The following GRM3 variants were observed in gnomAD, a reference collection of about 807,000 sequenced individuals.
GRM3 encodes the protein glutamate metabotropic receptor 3, also known as metabotropic glutamate receptor 3.
GRM3 carries 26 observed loss-of-function variants against 70.5 expected under a neutral mutation model. That is an observed-to-expected ratio of 0.37 (90% CI 0.27 to 0.51). The LOEUF (loss-of-function observed/expected upper bound fraction) is 0.51. GRM3 is among the 20% of genes least tolerant of loss of function. GRM3 has a pLI of 0.93. For missense variants in GRM3, 859 were observed against 1,123.8 expected, an observed-to-expected ratio of 0.76 and a Z score of 3.37; for synonymous variants, 443 against 434.9, an observed-to-expected ratio of 1.02 and a Z score of -0.23.
At chr7:86,701,046 T>A (rs1382377939) in intron 1 of GRM3, among the ~76,000 whole-genome samples, 1 of 151,980 alleles carries the variant, frequency 6.6e-6, no homozygotes, top group Non-Finnish European at 1.5e-5. Flanking sequence ...TACTACTGTT[T>A]AAACCACAAT....
At chr7:86,708,602 C>T (rs748633751) in intron 1 of GRM3, among the ~76,000 whole-genome samples, 8 of 152,038 alleles carry the variant, frequency 5.3e-5, no homozygotes, top group African/African-American at 1.9e-4. Flanking sequence ...AGGGGTGCCA[C>T]GTCAACGAAT....
chr7:86,730,838 G>A (rs191144507), intron 1 of GRM3, among the ~76,000 whole-genome samples: 17 of 152,272 alleles, frequency 1.1e-4, no homozygotes, highest in East Asian at 7.7e-4. Flanking sequence ...TACTTGCCAA[G>A]TACTCACAAA....
chr7:86,737,047 C>G (rs950596495), intron 1 of GRM3, among the ~76,000 whole-genome samples: 1 of 152,032 alleles, frequency 6.6e-6, no homozygotes, highest in Non-Finnish European at 1.5e-5. Flanking sequence ...TCCAACTCCA[C>G]TTCAAAAATG....
chr7:86,764,041 T>C (rs1584223640), intron 1 of GRM3, among the ~76,000 whole-genome samples: 2 of 152,120 alleles, frequency 1.3e-5, no homozygotes, highest in South Asian at 2.1e-4. Context: ...TGGAGAAGAC[T>C]CTAGGGTGCA....
rs1796589973 is a variant in GRM3, at chr7:86,765,904, T to A, written c.468+291T>A. Among the ~76,000 whole-genome samples the A allele has an allele frequency of 2.0e-5, 3 of 152,124 alleles. No individual in the cohort carries two copies. In the South Asian group the frequency reaches 6.2e-4, roughly 31 times the overall value. On this transcript the variant is annotated intron_variant, in intron 2 of 5. Transcript: ENST00000361669. ...TTAGTTTACAAGTCTAAAGATCAGA[T>A]GCTGTGAACTAATGGAGGCTGGGTT...
intron 1 of GRM3, among the ~76,000 whole-genome samples, chr7:86,760,652 CT>C (rs369719156): frequency 0.017 from 2,499 of 148,568 alleles, 69 homozygotes; most frequent in African/African-American, 0.056. Flanking sequence ...TTCAATGTTA[CT>C]TTTTTTTTTA....
chr7:86,684,570 T>C (rs1457076849), intron 1 of GRM3, among the ~76,000 whole-genome samples: 2 of 152,214 alleles, frequency 1.3e-5, no homozygotes, highest in Non-Finnish European at 2.9e-5. Context: ...AATTTCCCTC[T>C]TTCCCCTCAA....
chr7:86,681,895 G>A (rs1303768943), intron 1 of GRM3, among the ~76,000 whole-genome samples: 1 of 152,118 alleles, frequency 6.6e-6, no homozygotes, highest in African/African-American at 2.4e-5. Flanking sequence ...GTGATATGTG[G>A]GTGGTGTATA....
chr7:86,825,167 G>A (rs1399305131), intron 3 of GRM3, among the ~76,000 whole-genome samples: 1 of 152,138 alleles, frequency 6.6e-6, no homozygotes, highest in Non-Finnish European at 1.5e-5. Context: ...GTGTCCATGT[G>A]TACTCAATGT....
chr7:86,769,868 T>C (rs1044850757), intron 2 of GRM3, among the ~76,000 whole-genome samples: 1 of 152,184 alleles, frequency 6.6e-6, no homozygotes, highest in Non-Finnish European at 1.5e-5. Context: ...CAAATATATG[T>C]GGGAGTCTAT....
At chr7:86,826,446 T>A (rs1262679809) in intron 3 of GRM3, among the ~76,000 whole-genome samples, 1 of 152,042 alleles carries the variant, frequency 6.6e-6, no homozygotes, top group African/African-American at 2.4e-5. Flanking sequence ...AAGGAGACTG[T>A]GAAAATCTGT....
intron 1 of GRM3, among the ~76,000 whole-genome samples, chr7:86,739,267 G>C (rs116191245): frequency 6.6e-6 from 1 of 152,138 alleles, no homozygotes; most frequent in Non-Finnish European, 1.5e-5. Context: ...ATGAGCCACC[G>C]CTCCCAGCCT....
intron 3 of GRM3, among the ~76,000 whole-genome samples, chr7:86,812,664 C>T (rs1797935328): frequency 6.6e-6 from 1 of 151,742 alleles, no homozygotes; most frequent in Non-Finnish European, 1.5e-5. Context: ...AAATTCCTCA[C>T]AGCATTTGCC....
chr7:86,794,499 C>T (rs1156840303), intron 3 of GRM3, among the ~76,000 whole-genome samples: 1 of 152,052 alleles, frequency 6.6e-6, no homozygotes, highest in East Asian at 1.9e-4. Flanking sequence ...TTTCATAATG[C>T]CTGAGCAATG....
At chr7:86,695,964 T>C (rs1220385951) in intron 1 of GRM3, among the ~76,000 whole-genome samples, 1 of 152,172 alleles carries the variant, frequency 6.6e-6, no homozygotes, top group African/African-American at 2.4e-5. Context: ...TACCTTAGCT[T>C]TTACTGATAA....
chr7:86,708,021 G>A (rs1038950788), intron 1 of GRM3, among the ~76,000 whole-genome samples: 2 of 152,106 alleles, frequency 1.3e-5, no homozygotes, highest in African/African-American at 2.4e-5. Context: ...CAATGTCACT[G>A]AGAGACTATA....
intron 4 of GRM3, among the ~76,000 whole-genome samples, chr7:86,848,145 C>T (rs1198551842): frequency 6.6e-6 from 1 of 152,152 alleles, no homozygotes; most frequent in African/African-American, 2.4e-5. Flanking sequence ...TTTTAGGTAA[C>T]ATAAGGTACT....
chr7:86,813,123 AAAAT>A (rs1755379210), intron 3 of GRM3, among the ~76,000 whole-genome samples: 1 of 151,810 alleles, frequency 6.6e-6, no homozygotes, highest in African/African-American at 2.4e-5. Flanking sequence ...GTACAACATA[AAAAT>A]AAATTGTATT....
intron 1 of GRM3, among the ~76,000 whole-genome samples, chr7:86,685,490 C>T (rs1333638666): frequency 6.6e-6 from 1 of 152,174 alleles, no homozygotes; most frequent in Non-Finnish European, 1.5e-5. Flanking sequence ...CTCTCTTGCT[C>T]AAGATAAAGG....
Sources: allele counts gnomAD v4.1 joint callset (sites outside exome capture counted in the v4.1 genomes callset), GRCh38; gene constraint gnomAD v4.1.1; transcripts MANE v1.5; gene names NCBI Gene and HGNC (gene_info 2026-07-23, HGNC 2026-07-21).